The following GUCY1A2 variants were observed in gnomAD, a reference collection of about 807,000 sequenced individuals.
The protein encoded by GUCY1A2 is guanylate cyclase 1 soluble subunit alpha 2, also known as guanylate cyclase soluble subunit alpha-2.
In GUCY1A2, 27 loss-of-function variants were observed where a neutral mutation model predicts 63.5. That is an observed-to-expected ratio of 0.43 (90% CI 0.31 to 0.59). The LOEUF (loss-of-function observed/expected upper bound fraction) is 0.59. GUCY1A2 is among the 20% of genes least tolerant of loss of function. The pLI, the probability that GUCY1A2 is intolerant of heterozygous loss-of-function variation, is 0.11. For synonymous variants in GUCY1A2, 364 were observed against 343.5 expected (o/e 1.06, Z -0.66); for missense variants, 768 against 913.3 (o/e 0.84, Z 2.05).
intron 6 of GUCY1A2, among the ~76,000 whole-genome samples, chr11:106,739,099 G>T (rs571650973): frequency 2.9e-4 from 44 of 152,134 alleles, no homozygotes; most frequent in African/African-American, 8.4e-4. Context: ...CCCTGAAAAG[G>T]TCCTTCACAT....
intron 4 of GUCY1A2, among the ~76,000 whole-genome samples, chr11:106,872,564 A>G (rs912610311): frequency 1.2e-4 from 19 of 152,172 alleles, no homozygotes; most frequent in African/African-American, 4.6e-4. Context: ...GATTTATACT[A>G]ATTTTAATTT....
chr11:106,711,092 T>G (rs1435210885), intron 6 of GUCY1A2, among the ~76,000 whole-genome samples: 8 of 152,136 alleles, frequency 5.3e-5, no homozygotes, highest in Admixed American at 6.5e-5. Flanking sequence ...TCAAGATATA[T>G]CTGAGAAAGA....
chr11:106,761,890 G>T (rs1864072664), intron 6 of GUCY1A2, among the ~76,000 whole-genome samples: 1 of 152,206 alleles, frequency 6.6e-6, no homozygotes, highest in East Asian at 1.9e-4. Flanking sequence ...ACAATGTTTG[G>T]ATATAGTGTG....
chr11:106,913,986 C>CAAAAAAAAAAAAAAAAG (rs1860331988), intron 4 of GUCY1A2, among the ~76,000 whole-genome samples: 2 of 71,246 alleles, frequency 2.8e-5, no homozygotes, highest in African/African-American at 4.1e-5. Context: ...AATGAAAAAG[C>CAAAAAAAAAAAAAAAAG]AAAAAAAAAA....
intron 7 of GUCY1A2, among the ~76,000 whole-genome samples, chr11:106,696,880 C>T (rs1373359336): frequency 1.3e-5 from 2 of 152,072 alleles, no homozygotes; most frequent in Non-Finnish European, 2.9e-5. Context: ...TATATCTAAT[C>T]TCTTACATTT....
chr11:106,998,965 G>C (rs929565714), intron 1 of GUCY1A2, among the ~76,000 whole-genome samples: 3 of 152,128 alleles, frequency 2.0e-5, no homozygotes. Context: ...ATGGCTGACT[G>C]AGAGATCCCA....
At chr11:106,903,105 A>G (rs1330768072) in intron 4 of GUCY1A2, among the ~76,000 whole-genome samples, 1 of 150,962 alleles carries the variant, frequency 6.6e-6, no homozygotes, top group Admixed American at 6.6e-5. Flanking sequence ...TAAACTTCTA[A>G]GGATAAAATA....
chr11:106,895,876 C>T (rs369558085), intron 4 of GUCY1A2, among the ~76,000 whole-genome samples: 6 of 151,910 alleles, frequency 3.9e-5, no homozygotes, highest in African/African-American at 1.2e-4. Context: ...CAAATCAAGC[C>T]GGGTATGGTG....
intron 4 of GUCY1A2, among the ~76,000 whole-genome samples, chr11:106,858,688 A>G (rs1443947580): frequency 6.6e-6 from 1 of 152,096 alleles, no homozygotes; most frequent in East Asian, 1.9e-4. Context: ...CAAATATGTG[A>G]GAGACAAATT....
chr11:106,913,288 C>G (rs1311024532), intron 4 of GUCY1A2, among the ~76,000 whole-genome samples: 5 of 152,080 alleles, frequency 3.3e-5, no homozygotes, highest in African/African-American at 9.7e-5. Flanking sequence ...CATGATTGTG[C>G]AAGCTGTACA....
chr11:106,858,989 T>C (rs545050546), intron 4 of GUCY1A2, among the ~76,000 whole-genome samples: 3 of 152,222 alleles, frequency 2.0e-5, no homozygotes, highest in Non-Finnish European at 4.4e-5. Context: ...CTTGATCACA[T>C]ATAAGATACA....
At chr11:106,697,154 G>C (rs1411655658) in intron 7 of GUCY1A2, among the ~76,000 whole-genome samples, 2 of 152,298 alleles carry the variant, frequency 1.3e-5, no homozygotes, top group African/African-American at 2.4e-5. Flanking sequence ...TTTCAAGTAA[G>C]ATCTCCAGAG....
intron 1 of GUCY1A2, among the ~76,000 whole-genome samples, chr11:106,991,883 G>A (rs1187978675): frequency 6.6e-6 from 1 of 152,200 alleles, no homozygotes; most frequent in Non-Finnish European, 1.5e-5. Flanking sequence ...TGACTACCGT[G>A]TTTTACGCCA....
At chr11:106,721,744 G>T (rs780050722) in intron 6 of GUCY1A2, among the ~76,000 whole-genome samples, 2 of 152,138 alleles carry the variant, frequency 1.3e-5, no homozygotes, top group Non-Finnish European at 2.9e-5. Flanking sequence ...AAAAGCTTTG[G>T]ATTGGATGGC....
intron 2 of GUCY1A2, among the ~76,000 whole-genome samples, chr11:106,982,626 G>A (rs1417779175): frequency 6.6e-6 from 1 of 152,144 alleles, no homozygotes; most frequent in Non-Finnish European, 1.5e-5. Flanking sequence ...ATCAGGGCAG[G>A]CTTTCCTGTA....
chr11:106,698,812 C>CTAAT (rs1400291833), intron 7 of GUCY1A2, among the ~76,000 whole-genome samples: 1 of 152,060 alleles, frequency 6.6e-6, no homozygotes, highest in Non-Finnish European at 1.5e-5. Context: ...GGGCCATAAA[C>CTAAT]TAATTAGTGG....
intron 4 of GUCY1A2, among the ~76,000 whole-genome samples, chr11:106,855,173 A>G (rs934076231): frequency 6.6e-6 from 1 of 152,054 alleles, no homozygotes; most frequent in African/African-American, 2.4e-5. Context: ...CTCTGCAACA[A>G]TTCACTTGCA....
rs73547924 is a variant in GUCY1A2, at chr11:106,679,680, T to C, written c.*7869A>G. 2,422 of 218,072 alleles carry C rather than the reference T, an allele frequency of 0.011. 62 individuals carry two copies. The highest frequency in any genetic ancestry group is 0.05 in the African/African-American group (2,208 of 44,528). 13.5% of individuals were successfully genotyped at this position (218,072 alleles called of 1,614,324 possible). On this transcript the variant is annotated 3_prime_UTR_variant, in exon 8 of 8. Transcript: ENST00000526355. The stretch of plus-strand genomic sequence containing the variant: ...AAAATATAGTTTGTTTTAATATCAC[T>C]TGCATAGTGTTAGTCTGTTTTTCTA...
intron 4 of GUCY1A2, among the ~76,000 whole-genome samples, chr11:106,895,210 CTA>C (rs1399483534): frequency 3.3e-5 from 5 of 152,166 alleles, no homozygotes; most frequent in African/African-American, 1.2e-4. Flanking sequence ...CTGTAAAGCT[CTA>C]TATCTATTAA....
Sources: allele counts gnomAD v4.1 joint callset (sites outside exome capture counted in the v4.1 genomes callset), GRCh38; gene constraint gnomAD v4.1.1; transcripts MANE v1.5; gene names NCBI Gene and HGNC (gene_info 2026-07-23, HGNC 2026-07-21).